ZNF3: variants seen among roughly 807,000 people sequenced by gnomAD.
ZNF3 encodes C2-H2 type zinc finger protein.
Under a neutral mutation model 36.9 loss-of-function variants are expected in ZNF3, and 16 were observed. The ratio of observed to expected loss-of-function variants is 0.43; its 90% confidence interval spans 0.29 to 0.66. The LOEUF is 0.66. Among genes scored for constraint, ZNF3 ranks in the 30% least tolerant of loss-of-function variants. The pLI is 0.13. For missense variants in ZNF3, 462 were observed against 543.1 expected (o/e 0.85, Z 1.48); for synonymous variants, 201 against 201.9 (o/e 1.00, Z 0.04).
intron 1 of ZNF3, 47 bp from the exon 2 acceptor site, chr7:100,079,703 C>T (rs1332813138): frequency 6.6e-6 from 1 of 152,030 alleles, no homozygotes; most frequent in Non-Finnish European, 1.5e-5. Flanking sequence ...TTCATGCAAA[C>T]GTCTTTTTTT....
Position 100,064,624 on chromosome 7 carries a change from A to G in ZNF3, c.*164T>C, listed in dbSNP as rs372940343. The G allele has an allele frequency of 7.4e-6, 12 of 1,611,940 alleles. No homozygotes were observed. In the African/African-American group the frequency reaches 1.5e-4, roughly 20 times the overall value. ...AGAGGGAGAAGCACCGTAACTTTCA[A>G]GCGCTCCTGTTGTTGTCGTTGTTTT... is the stretch of plus-strand genomic sequence containing the variant. On this transcript the variant is annotated 3_prime_UTR_variant, in exon 6 of 6. Coordinates refer to the ZNF3 transcript ENST00000413658.
rs747027091 is a variant in ZNF3 at position 100,064,472 on chromosome 7, A to C, written c.*316T>G. 24 of 1,613,828 alleles carry C rather than the reference A, an allele frequency of 1.5e-5. No individual in the cohort carries two copies. Among genetic ancestry groups the C allele is most frequent in the Non-Finnish European group, 2.0e-5 (24 of 1,179,984 alleles). ...TGTAAGGAGTGTGGGAAAGCCTTCA[A>C]CCACAGCTCCAACTTCAATAAACAC... On this transcript the variant is annotated 3_prime_UTR_variant, in exon 6 of 6. Transcript: ENST00000413658.
At chr7:100,063,902 G>A (rs1489270959), downstream of ZNF3, 5 of 1,614,176 alleles carry the variant, frequency 3.1e-6, no homozygotes, top group Admixed American at 6.7e-5. Context: ...CCTGAGGCCA[G>A]CTTAGAGAGG....
Position 100,072,285 on chromosome 7 carries a change from T to C in ZNF3, c.272-73A>G, listed in dbSNP as rs538154663. 3 of 1,336,676 alleles carry C rather than the reference T, an allele frequency of 2.2e-6. No homozygotes were observed. In the East Asian group the frequency reaches 6.9e-5, roughly 31 times the overall value. The allele number at this position is 1,336,676 out of a possible 1,614,324, so 82.8% of individuals were successfully genotyped here. Reference sequence around the variant, plus strand: ...GAGTGAAAATCACAGGACAGGATCATTGTAACGAATACTTACAGTGCCAAA... The same window carrying C: ...GAGTGAAAATCACAGGACAGGATCACTGTAACGAATACTTACAGTGCCAAA... On this transcript the variant is annotated intron_variant, in intron 5 of 5. Transcript: ENST00000299667.
rs368124917 is a variant in ZNF3 at position 100,075,200 on chromosome 7, T to A, written c.206A>T (p.Glu69Val). Residue 69 changes from glutamate (E) to valine (V), a missense_variant, in exon 5 of 6, where the codon GAA (glutamate) becomes GTA (valine). By Grantham distance (121) the Glu-to-Val change is moderately radical (BLOSUM62 -2). Transcript: ENST00000299667. ...YFIRKEWKRLEPAQRDLYRDV... is the reference protein window; with the variant it reads ...YFIRKEWKRLVPAQRDLYRDV... ...TCTATAGAGGTCCCTCTGAGCAGGT[T>A]CCAAACGCTTCCACTCCTTCCGGAT... 6.2e-7 allele frequency: 1 copy of A among 1,614,184 alleles called. No individual in the cohort carries two copies. Among genetic ancestry groups the A allele is most frequent in the Non-Finnish European group, 8.5e-7 (1 of 1,180,040 alleles).
chr7:100,075,477 G>A, intron 4 of ZNF3, 65 bp downstream of exon 4: 2 of 1,586,366 alleles, frequency 1.3e-6, no homozygotes, highest in South Asian at 2.2e-5. Flanking sequence ...AGGGTTTAAA[G>A]CTCTGAATGG....
rs1793160474 is a variant in ZNF3 at position 100,071,590 on chromosome 7, G to C, written c.894C>G (p.Thr298=). 5 of 1,613,752 alleles carry C rather than the reference G, an allele frequency of 3.1e-6. 1 individual carries two copies. Among genetic ancestry groups the C allele is most frequent in the South Asian group, 2.2e-5 (2 of 91,060 alleles). The part of the protein sequence containing the change: ...ECGKTFSWSS[T]LTHHQRIHTG... ...TGTGGATTCTCTGATGGTGGGTGAGGGTGGAGCTCCAGCTGAAGGTCTTCC... is the reference window on the plus strand; with the variant it reads ...TGTGGATTCTCTGATGGTGGGTGAGCGTGGAGCTCCAGCTGAAGGTCTTCC... Residue 298 remains threonine (T), a synonymous_variant, in exon 6 of 6, where the codon ACC becomes ACG. Transcript: ENST00000299667.
rs777863215 is a variant in ZNF3, at chr7:100,075,435, A to G, written c.144+107T>C. The G allele has an allele frequency of 4.7e-6, 7 of 1,502,252 alleles. No individual in the cohort carries two copies. In the South Asian group the frequency reaches 8.0e-5, roughly 17 times the overall value. The allele number at this position is 1,502,252 out of a possible 1,614,324, so 93.1% of individuals were successfully genotyped here. A position where few individuals can be genotyped will look rare whatever the true frequency, so the allele number is the denominator to read the frequency against. ...AGAAGGTGAGGGTCCATGATTCAGCAGGACAGAACCATGGGCCTGATGGAG... is the reference window on the plus strand; with the variant it reads ...AGAAGGTGAGGGTCCATGATTCAGCGGGACAGAACCATGGGCCTGATGGAG... On this transcript the variant is annotated intron_variant, in intron 4 of 5. Coordinates refer to ENST00000299667, the MANE Select transcript of ZNF3 (RefSeq NM_032924.5).
Position 100,077,712 on chromosome 7 carries a change from G to A in ZNF3, c.-76-279C>T, listed in dbSNP as rs183621904. 1.8e-3 allele frequency: 307 copies of A among 173,436 alleles called. 2 individuals are homozygous for A. Among genetic ancestry groups the A allele is most frequent in the Middle Eastern group, 8.0e-3 (3 of 376 alleles). The allele number at this position is 173,436 out of a possible 1,614,324, so 10.7% of individuals were successfully genotyped here. A position where few individuals can be genotyped will look rare whatever the true frequency, so the allele number is the denominator to read the frequency against. On this transcript the variant is annotated intron_variant, in intron 2 of 5. Coordinates refer to ENST00000299667, the MANE Select transcript of ZNF3 (RefSeq NM_032924.5). ...GCTGGGATTACAGGCGTGAGCCACC[G>A]CGCCCGGTATTTTTAAATTTTCTTT... is the stretch of plus-strand genomic sequence containing the variant.
intron 3 of ZNF3, among the ~76,000 whole-genome samples, chr7:100,076,240 A>G (rs965012638): frequency 2.6e-5 from 4 of 151,670 alleles, no homozygotes; most frequent in African/African-American, 9.7e-5. Flanking sequence ...AAATCTGTAC[A>G]CTAAAAATGT....
rs1793228126 is a variant in ZNF3 at position 100,071,929 on chromosome 7, G to A, written c.555C>T (p.Ser185=). ...NDFGNSFTVN[S]NLISHQRLPV... ...GGAGTCTCTGATGTGAGATAAGGTTGGAATTCACAGTGAAGCTGTTCCCAA... is the reference window on the plus strand; with the variant it reads ...GGAGTCTCTGATGTGAGATAAGGTTAGAATTCACAGTGAAGCTGTTCCCAA... Residue 185 remains serine (S), a synonymous_variant, in exon 6 of 6, where the codon TCC becomes TCT. Coordinates refer to ENST00000299667, the MANE Select transcript of ZNF3 (RefSeq NM_032924.5). 1 of 1,614,222 alleles carries A rather than the reference G, an allele frequency of 6.2e-7. No individual in the cohort carries two copies. Among genetic ancestry groups the A allele is most frequent in the Non-Finnish European group, 8.5e-7 (1 of 1,180,038 alleles).
At position 100,071,185 on chromosome 7, in the gene ZNF3, G is replaced by A. The variant is rs1217796539; in HGVS notation, c.1299C>T (p.Ser433=). ...PLNGIGMSKS[S]LRVTTELNIR... is the part of the protein sequence containing the mutation. ...TATTTAACTCGGTCGTAACTCTGAG[G>A]GAGCTTTTGCTCATGCCGATCCCAT... Residue 433 remains serine, a synonymous_variant, in exon 6 of 6, where the codon TCC becomes TCT. Transcript: ENST00000299667. 1.9e-6 allele frequency: 3 copies of A among 1,609,496 alleles called. No homozygotes were observed. Among genetic ancestry groups the A allele is most frequent in the South Asian group, 1.1e-5 (1 of 90,710 alleles).
rs772652777 is a variant in ZNF3, at chr7:100,071,405, C to T, written c.1079G>A (p.Arg360Lys). ...SQSSHLYQHQ[R>K]IHTGEKPYEC... ...GTAGGGCTTCTCTCCAGTGTGGATT[C>T]TCTGGTGCTGATAGAGGTGTGAGCT... Residue 360 changes from arginine to lysine, a missense_variant, in exon 6 of 6, where the codon AGA (arginine) becomes AAA (lysine). Physicochemically the swap from Arg to Lys is conservative, Grantham distance 26 (BLOSUM62 2). Coordinates refer to ENST00000299667, the MANE Select transcript of ZNF3 (RefSeq NM_032924.5). 2 of 1,614,242 alleles carry T rather than the reference C, an allele frequency of 1.2e-6. No homozygotes were observed. Among genetic ancestry groups the T allele is most frequent in the South Asian group, 2.2e-5 (2 of 91,090 alleles).
At chr7:100,073,536 GA>G (rs1430850051) in intron 5 of ZNF3, among the ~76,000 whole-genome samples, 6 of 151,910 alleles carry the variant, frequency 3.9e-5, no homozygotes, top group Non-Finnish European at 7.4e-5. Context: ...ATTTTTAGTA[GA>G]GATGGCGTTT....
At chr7:100,064,274 A>AT (rs1562851438) in exon 6 of ZNF3, 8 of 1,614,064 alleles carry the variant, frequency 5.0e-6, no homozygotes, top group Non-Finnish European at 6.8e-6. Context: ...GAGGCGCCAT[A>AT]TCAGTGCAAA....
intron 3 of ZNF3, among the ~76,000 whole-genome samples, chr7:100,076,187 T>G (rs912490298): frequency 5.3e-5 from 8 of 152,034 alleles, no homozygotes; most frequent in African/African-American, 1.9e-4. Context: ...CAGCCCTGAC[T>G]GGAAACACAA....
Position 100,075,061 on chromosome 7 carries a change from GACTAGATTGTT to G in ZNF3, c.271+63_271+73del. The stretch of plus-strand genomic sequence containing the variant: ...ATCTGCTGAAACAGCTCTTTTCAGT[GACTAGATTGTT>G]ACTAGCAAACGAAGAAGCAAAGAAA... On this transcript the variant is annotated intron_variant, in intron 5 of 5. Coordinates refer to ENST00000299667, the MANE Select transcript of ZNF3 (RefSeq NM_032924.5). The G allele has an allele frequency of 3.3e-6, 5 of 1,516,520 alleles. No individual in the cohort carries two copies. In the South Asian group the frequency reaches 6.7e-5, roughly 20 times the overall value. 93.9% of individuals were successfully genotyped at this position (1,516,520 alleles called of 1,614,324 possible).
At chr7:100,075,677 A>G in intron 3 of ZNF3, 47 bp from the exon 4 acceptor site, 3 of 1,581,908 alleles carry the variant, frequency 1.9e-6, no homozygotes, top group Non-Finnish European at 2.6e-6. Flanking sequence ...CTGCTCTGTG[A>G]CCTCCCAACC....
chr7:100,065,706 G>A (rs1792618022), downstream of ZNF3, among the ~76,000 whole-genome samples: 3 of 151,578 alleles, frequency 2.0e-5, no homozygotes, highest in South Asian at 6.3e-4. Context: ...GTTTCCACTT[G>A]ACCCTTCTGC....
Sources: allele counts gnomAD v4.1 joint callset (sites outside exome capture counted in the v4.1 genomes callset), GRCh38; gene constraint gnomAD v4.1.1; transcripts MANE v1.5; gene names NCBI Gene and HGNC (gene_info 2026-07-23, HGNC 2026-07-21).